The following SPRED1 variants were observed in gnomAD, a reference collection of about 807,000 sequenced individuals.
The protein encoded by SPRED1 is sprouty related EVH1 domain containing 1.
A neutral mutation model predicts 52.3 loss-of-function variants in SPRED1; 18 were observed. That is an observed-to-expected ratio of 0.34 (90% CI 0.24 to 0.51). The LOEUF (loss-of-function observed/expected upper bound fraction) is 0.51, where lower values mean the gene tolerates loss of function less well. Among genes scored for constraint, SPRED1 ranks in the 20% least tolerant of loss-of-function variants. The pLI is 0.97. For missense variants in SPRED1, 485 were observed against 551.0 expected, an observed-to-expected ratio of 0.88 and a Z score of 1.20; for synonymous variants, 155 against 179.7, an observed-to-expected ratio of 0.86 and a Z score of 1.10.
At chr15:38,350,855 A>G (rs529060512) in intron 6 of SPRED1, among the ~76,000 whole-genome samples, 159 bp from the exon 7 acceptor site, 5 of 152,308 alleles carry the variant, frequency 3.3e-5, no homozygotes, top group Non-Finnish European at 7.4e-5. Flanking sequence ...TGCTTTCCTC[A>G]TAGTCCACCA....
chr15:38,288,162 C>G (rs954287966), intron 1 of SPRED1, among the ~76,000 whole-genome samples: 1 of 152,124 alleles, frequency 6.6e-6, no homozygotes, highest in Non-Finnish European at 1.5e-5. Flanking sequence ...TCAAAATTAC[C>G]TGATCACAAG....
intron 6 of SPRED1, among the ~76,000 whole-genome samples, 198 bp from the exon 7 acceptor site, chr15:38,350,816 G>T (rs1279459479): frequency 6.6e-6 from 1 of 152,142 alleles, no homozygotes; most frequent in African/African-American, 2.4e-5. Flanking sequence ...CTGATTTTAT[G>T]AGGTCCGCCT....
chr15:38,340,862 A>G (rs557104598), intron 5 of SPRED1, among the ~76,000 whole-genome samples: 13 of 152,264 alleles, frequency 8.5e-5, no homozygotes, highest in Non-Finnish European at 5.9e-5. Context: ...GGGTGTTGCT[A>G]TCAGGGTATG....
intron 1 of SPRED1, among the ~76,000 whole-genome samples, chr15:38,267,184 C>T (rs1455872391): frequency 6.6e-6 from 1 of 152,058 alleles, no homozygotes; most frequent in Non-Finnish European, 1.5e-5. Flanking sequence ...AAGTATATCA[C>T]CTGATATACT....
intron 4 of SPRED1, among the ~76,000 whole-genome samples, chr15:38,333,273 T>C (rs1037997273): frequency 6.6e-6 from 1 of 152,182 alleles, no homozygotes; most frequent in Non-Finnish European, 1.5e-5. Flanking sequence ...AGGTTAAGCA[T>C]AAAACAGTTT....
At chr15:38,348,111 T>G (rs1311057872) in intron 5 of SPRED1, among the ~76,000 whole-genome samples, 1 of 152,070 alleles carries the variant, frequency 6.6e-6, no homozygotes, top group Admixed American at 6.6e-5. Context: ...CTTAGAAATG[T>G]ATATTTAATA....
intron 1 of SPRED1, among the ~76,000 whole-genome samples, chr15:38,289,389 A>G (rs1310515263): frequency 6.8e-6 from 1 of 147,042 alleles, no homozygotes; most frequent in Non-Finnish European, 1.5e-5. Flanking sequence ...TGATTTTTGG[A>G]GTTACTTTTA....
At chr15:38,325,650 A>G (rs1245492032) in intron 4 of SPRED1, among the ~76,000 whole-genome samples, 1 of 152,128 alleles carries the variant, frequency 6.6e-6, no homozygotes, top group African/African-American at 2.4e-5. Context: ...GAGGATGCCT[A>G]ACTGCCATAT....
At position 38,352,294 on chromosome 15, in the gene SPRED1, C is replaced by T. The variant is rs1395533349; in HGVS notation, c.*630C>T. ...CATTCCATATATTTTGAATATTTAA[C>T]TCATCTAGTTAATAATGTTTTTATT... On this transcript the variant is annotated 3_prime_UTR_variant, in exon 7 of 7. Transcript: ENST00000299084. The T allele has an allele frequency of 6.6e-6, 1 of 151,786 alleles. No individual in the cohort carries two copies. Among genetic ancestry groups the T allele is most frequent in the Admixed American group, 6.6e-5 (1 of 15,186 alleles). The allele number at this position is 151,786 out of a possible 1,614,324, so 9.4% of individuals were successfully genotyped here.
chr15:38,268,341 A>G (rs1200016993), intron 1 of SPRED1: 1 of 152,202 alleles, frequency 6.6e-6, no homozygotes, highest in Non-Finnish European at 1.5e-5. Flanking sequence ...CTTAGAGGAG[A>G]ACAACATCCC....
chr15:38,313,071 AGTTGCATTACAGCC>A (rs1895401062), intron 2 of SPRED1, among the ~76,000 whole-genome samples: 1 of 151,992 alleles, frequency 6.6e-6, no homozygotes, highest in Non-Finnish European at 1.5e-5. Flanking sequence ...ATGTGATGTA[AGTTGCATTACAGCC>A]TGCTTTTTAC....
intron 1 of SPRED1, among the ~76,000 whole-genome samples, chr15:38,263,675 G>A (rs1295746148): frequency 6.6e-6 from 1 of 152,152 alleles, no homozygotes; most frequent in East Asian, 1.9e-4. Flanking sequence ...GACCTTTGTG[G>A]GAGTAATAAT....
chr15:38,276,176 T>C (rs1006690547), intron 1 of SPRED1, among the ~76,000 whole-genome samples: 1 of 152,096 alleles, frequency 6.6e-6, no homozygotes, highest in South Asian at 2.1e-4. Context: ...ATGTGAGTAT[T>C]TGCATATGTA....
At chr15:38,314,532 C>T (rs1372626769) in intron 2 of SPRED1, among the ~76,000 whole-genome samples, 2 of 151,748 alleles carry the variant, frequency 1.3e-5, no homozygotes, top group Non-Finnish European at 3.0e-5. Context: ...TTTTATTCCT[C>T]TATTGGTTGT....
intron 1 of SPRED1, among the ~76,000 whole-genome samples, chr15:38,270,263 A>G (rs1894403745): frequency 6.6e-6 from 1 of 152,074 alleles, no homozygotes; most frequent in Admixed American, 6.5e-5. Context: ...AAACTATGAC[A>G]TGTTCTCCAT....
intron 1 of SPRED1, among the ~76,000 whole-genome samples, chr15:38,273,520 A>AATATAT (rs58636340): frequency 1.9e-4 from 27 of 142,968 alleles, no homozygotes; most frequent in African/African-American, 6.0e-4. Flanking sequence ...ATGTATTATT[A>AATATAT]ATATATATAT....
intron 2 of SPRED1, among the ~76,000 whole-genome samples, chr15:38,309,803 T>A (rs1361044124): frequency 6.6e-6 from 1 of 152,228 alleles, no homozygotes; most frequent in Non-Finnish European, 1.5e-5. Flanking sequence ...TCAAGGGGTT[T>A]TTTTTCCTAT....
At chr15:38,280,250 C>T (rs1165069059) in intron 1 of SPRED1, among the ~76,000 whole-genome samples, 1 of 152,138 alleles carries the variant, frequency 6.6e-6, no homozygotes. Context: ...TCATTTGCCT[C>T]CTTAAAGGAA....
intron 2 of SPRED1, among the ~76,000 whole-genome samples, chr15:38,317,867 G>C (rs1305418350): frequency 6.9e-6 from 1 of 144,580 alleles, no homozygotes; most frequent in Non-Finnish European, 1.5e-5. Context: ...TAGACAGTTG[G>C]TATCTGTCTC....
Sources: allele counts gnomAD v4.1 joint callset (sites outside exome capture counted in the v4.1 genomes callset), GRCh38; gene constraint gnomAD v4.1.1; transcripts MANE v1.5; gene names NCBI Gene and HGNC (gene_info 2026-07-23, HGNC 2026-07-21).